FHOD3: variants seen among roughly 807,000 people sequenced by gnomAD.
The protein encoded by FHOD3 is FH1/FH2 domain-containing protein 3.
A neutral mutation model predicts 173.0 loss-of-function variants in FHOD3; 90 were observed. That is an observed-to-expected ratio of 0.52 (90% CI 0.44 to 0.62). FHOD3 has a LOEUF of 0.62. FHOD3 is among the 20% of genes least tolerant of loss of function. FHOD3 has a pLI of 0.00. For missense variants in FHOD3, 1,945 were observed against 2,034.7 expected (o/e 0.96, Z 0.85); for synonymous variants, 828 against 823.0 (o/e 1.01, Z -0.10).
chr18:36,617,925 T>A (rs1197729766), intron 9 of FHOD3, among the ~76,000 whole-genome samples: 1 of 152,190 alleles, frequency 6.6e-6, no homozygotes, highest in Non-Finnish European at 1.5e-5. Flanking sequence ...AAATTAGCCA[T>A]TTCATCTGTA....
intron 28 of FHOD3, among the ~76,000 whole-genome samples, chr18:36,774,901 G>T (rs1053690651): frequency 6.6e-6 from 1 of 152,108 alleles, no homozygotes; most frequent in African/African-American, 2.4e-5. Context: ...TGTGACCTTG[G>T]TATTTTTGAA....
At chr18:36,488,036 T>C (rs1455370113) in intron 3 of FHOD3, among the ~76,000 whole-genome samples, 2 of 152,250 alleles carry the variant, frequency 1.3e-5, no homozygotes, top group Non-Finnish European at 2.9e-5. Context: ...CATTACTGAA[T>C]AAACTCCCAT....
At chr18:36,345,239 A>C (rs2045826329) in intron 1 of FHOD3, among the ~76,000 whole-genome samples, 1 of 152,206 alleles carries the variant, frequency 6.6e-6, no homozygotes, top group South Asian at 2.1e-4. Context: ...ATTAAGCAAG[A>C]AATCTACAAT....
chr18:36,421,127 G>A (rs1306789595), intron 3 of FHOD3, among the ~76,000 whole-genome samples: 1 of 152,134 alleles, frequency 6.6e-6, no homozygotes, highest in Admixed American at 6.6e-5. Context: ...AACTATTCTG[G>A]TTGAACTTAT....
chr18:36,566,692 C>G (rs2058276715), intron 5 of FHOD3, among the ~76,000 whole-genome samples: 1 of 152,104 alleles, frequency 6.6e-6, no homozygotes, highest in Non-Finnish European at 1.5e-5. Context: ...CCCGCAGTTG[C>G]TATTGTCCAG....
chr18:36,652,622 A>G lies in FHOD3; in HGVS notation c.1339A>G (p.Lys447Glu). ...CCCCACTGGAAGGGATGCTGCTCCC[A>G]AGAGCTCTGCCCTCCCTGCTGTCTC... ...QSPTGRDAAP[K>E]SSALPAVSNA... is the part of the protein sequence containing the mutation. Residue 447 changes from lysine to glutamate, a missense_variant, in exon 12 of 29, where the codon AAG becomes GAG. Physicochemically the swap from Lys to Glu is moderately conservative, Grantham distance 56. Transcript: ENST00000590592. 1 of 1,535,120 alleles carries G rather than the reference A, an allele frequency of 6.5e-7. No individual in the cohort carries two copies. The highest frequency in any genetic ancestry group is 8.7e-7 in the Non-Finnish European group (1 of 1,146,682).
chr18:36,408,317 C>CTTCTTGGCAA (rs1467754121), intron 3 of FHOD3, among the ~76,000 whole-genome samples: 3 of 152,196 alleles, frequency 2.0e-5, no homozygotes, highest in African/African-American at 7.2e-5. Context: ...CCTGGTGAGA[C>CTTCTTGGCAA]ACAGTCTCAG....
At chr18:36,728,482 C>T (rs962966925) in intron 19 of FHOD3, among the ~76,000 whole-genome samples, 2 of 152,116 alleles carry the variant, frequency 1.3e-5, no homozygotes, top group Admixed American at 6.5e-5. Flanking sequence ...ATGTATGCCA[C>T]GTGTCCCTGG....
chr18:36,408,361 T>C (rs2049171777), intron 3 of FHOD3, among the ~76,000 whole-genome samples: 1 of 152,062 alleles, frequency 6.6e-6, no homozygotes, highest in Non-Finnish European at 1.5e-5. Context: ...CCTGCATTGG[T>C]GGGCAGATCT....
At chr18:36,492,038 G>A (rs562785659) in intron 3 of FHOD3, among the ~76,000 whole-genome samples, 83 of 152,148 alleles carry the variant, frequency 5.5e-4, no homozygotes, top group Non-Finnish European at 9.4e-4. Flanking sequence ...ATGTTCTTGG[G>A]TTTAGCTAAC....
At chr18:36,454,372 T>G (rs1212469020) in intron 3 of FHOD3, among the ~76,000 whole-genome samples, 1 of 151,976 alleles carries the variant, frequency 6.6e-6, no homozygotes, top group Non-Finnish European at 1.5e-5. Flanking sequence ...TGAGCGCATA[T>G]AGGAGCACAC....
chr18:36,553,447 C>A (rs766303176), intron 5 of FHOD3, among the ~76,000 whole-genome samples: 5 of 152,166 alleles, frequency 3.3e-5, no homozygotes, highest in Non-Finnish European at 7.3e-5. Flanking sequence ...TCCATCTGGT[C>A]ATGGGCTTTT....
intron 11 of FHOD3, among the ~76,000 whole-genome samples, chr18:36,650,331 T>C (rs1402447633): frequency 6.6e-6 from 1 of 152,126 alleles, no homozygotes; most frequent in South Asian, 2.1e-4. Flanking sequence ...AGGCTAGCAG[T>C]GCACACAGAA....
chr18:36,748,273 A>G (rs1397047066), intron 24 of FHOD3, among the ~76,000 whole-genome samples: 1 of 151,770 alleles, frequency 6.6e-6, no homozygotes, highest in Non-Finnish European at 1.5e-5. Flanking sequence ...CAGATTTCTT[A>G]CTGAAATCAA....
At chr18:36,580,167 C>G (rs1013055451) in intron 6 of FHOD3, among the ~76,000 whole-genome samples, 2 of 152,170 alleles carry the variant, frequency 1.3e-5, no homozygotes. Flanking sequence ...GCTTTCCCAG[C>G]CTCCCCATCC....
chr18:36,535,103 T>C lies in FHOD3; in HGVS notation c.511+22560T>C, dbSNP rs191833532. The stretch of plus-strand genomic sequence containing the variant: ...TTCAGATTTAAAAATATTGCTGTTA[T>C]CAACAAAAAAAGTAGCACTACCAAA... On this transcript the variant is annotated intron_variant, in intron 5 of 28. Transcript: ENST00000590592. Among the ~76,000 whole-genome samples, 12 of 152,284 alleles carry C rather than the reference T, an allele frequency of 7.9e-5. No individual in the cohort carries two copies. The East Asian group carries it at 1.5e-3, about 20-fold the overall frequency.
intron 3 of FHOD3, among the ~76,000 whole-genome samples, chr18:36,458,812 A>G (rs748031605): frequency 1.2e-4 from 18 of 151,496 alleles, no homozygotes; most frequent in Non-Finnish European, 2.2e-4. Flanking sequence ...TTTCAAATAT[A>G]TTTTAGTACT....
At chr18:36,369,064 T>C (rs2146013218) in intron 2 of FHOD3, among the ~76,000 whole-genome samples, 1 of 152,188 alleles carries the variant, frequency 6.6e-6, no homozygotes, top group East Asian at 1.9e-4. Context: ...CCATAAATGT[T>C]AACAACTATT....
chr18:36,664,668 C>T (rs1276705767), intron 14 of FHOD3, among the ~76,000 whole-genome samples: 4 of 152,008 alleles, frequency 2.6e-5, no homozygotes, highest in Non-Finnish European at 4.4e-5. Context: ...GACTTTTTCC[C>T]ACCATTCCTA....
Sources: allele counts gnomAD v4.1 joint callset (sites outside exome capture counted in the v4.1 genomes callset), GRCh38; gene constraint gnomAD v4.1.1; transcripts MANE v1.5; gene names NCBI Gene and HGNC (gene_info 2026-07-23, HGNC 2026-07-21).